The following OR5D14 variants were observed in gnomAD, a reference collection of about 807,000 sequenced individuals.
OR5D14 encodes olfactory receptor 5D14.
For missense variants in OR5D14, 466 were observed against 375.5 expected, an observed-to-expected ratio of 1.24 and a Z score of -1.99; for synonymous variants, 187 against 138.2, an observed-to-expected ratio of 1.35 and a Z score of -2.48.
At position 55,795,674 on chromosome 11, in the gene OR5D14, C is replaced by T. The variant is rs1853514826; in HGVS notation, c.119C>T (p.Thr40Ile). ...FLVFLLMYVI[T>I]VVGNLGMIII... is the part of the protein sequence containing the mutation. Reference sequence around the variant, plus strand: ...GTGTTTCTGCTCATGTATGTTATCACAGTGGTAGGAAACCTTGGGATGATC... The same window carrying T: ...GTGTTTCTGCTCATGTATGTTATCATAGTGGTAGGAAACCTTGGGATGATC... The change falls in exon 1 of 1, where the codon ACA becomes ATA. Residue 40 changes from threonine (T) to isoleucine (I), a missense_variant. By Grantham distance (89) the Thr-to-Ile change is moderately conservative. Transcript: ENST00000335605. 6.2e-7 allele frequency: 1 copy of T among 1,611,828 alleles called. No homozygotes were observed. The highest frequency in any genetic ancestry group is 1.1e-5 in the South Asian group (1 of 91,048).
In OR5D14 at chr11:55,795,939, C is replaced by G; in HGVS notation, c.384C>G (p.Ile128Met). The G allele has an allele frequency of 6.2e-7, 1 of 1,613,898 alleles. No individual in the cohort carries two copies. Among genetic ancestry groups the G allele is most frequent in the Non-Finnish European group, 8.5e-7 (1 of 1,179,996 alleles). The change falls in exon 1 of 1, where the codon ATC becomes ATG. Residue 128 changes from isoleucine to methionine, a missense_variant. Ile to Met is a conservative substitution (Grantham distance 10, BLOSUM62 1). Transcript: ENST00000335605. ...TGGCCTATGACCGCTTTGTGGCCAT[C>G]TGCAATCCTCTGCTTTATACAGTGG... ...AVMAYDRFVA[I>M]CNPLLYTVAM...
At position 55,796,399 on chromosome 11, in the gene OR5D14, G is replaced by C. The variant is rs201788922; in HGVS notation, c.844G>C (p.Val282Leu). ...TVKVASVFYTVVNPMLNPLIY... is the reference protein window; with the variant it reads ...TVKVASVFYTLVNPMLNPLIY... ...CAAAGTGGCCTCTGTATTTTACACA[G>C]TTGTCAACCCCATGCTGAACCCTCT... is the stretch of plus-strand genomic sequence containing the variant. The change falls in exon 1 of 1, where the codon GTT becomes CTT. Residue 282 changes from valine (V) to leucine (L), a missense_variant. Coordinates refer to ENST00000335605, the MANE Select transcript of OR5D14 (RefSeq NM_001004735.1). 1 of 1,613,774 alleles carries C rather than the reference G, an allele frequency of 6.2e-7. No homozygotes were observed. Among genetic ancestry groups the C allele is most frequent in the Admixed American group, 1.7e-5 (1 of 59,988 alleles).
rs762825497 is a variant in OR5D14, at chr11:55,795,959, C to T, written c.404C>T (p.Thr135Ile). 1.9e-6 allele frequency: 3 copies of T among 1,613,804 alleles called. No homozygotes were observed. The South Asian group carries it at 3.3e-5, about 18-fold the overall frequency. ...FVAICNPLLY[T>I]VAMSQRLCAL... ...GCCATCTGCAATCCTCTGCTTTATACAGTGGCCATGTCACAGAGGCTCTGT... is the reference window on the plus strand; with the variant it reads ...GCCATCTGCAATCCTCTGCTTTATATAGTGGCCATGTCACAGAGGCTCTGT... The change falls in exon 1 of 1, where the codon ACA becomes ATA. Residue 135 changes from threonine (T) to isoleucine (I), a missense_variant. Thr to Ile is a moderately conservative substitution (Grantham distance 89). Transcript: ENST00000335605.
Position 55,796,276 on chromosome 11 carries a change from T to C in OR5D14, c.721T>C (p.Ser241Pro). Residue 241 changes from serine to proline, a missense_variant, in exon 1 of 1, where the codon TCC becomes CCC. Ser to Pro is a moderately conservative substitution (Grantham distance 74). Coordinates refer to ENST00000335605, the MANE Select transcript of OR5D14 (RefSeq NM_001004735.1). ...TGTTAGTGGGCGCCACAAAGCCTTC[T>C]CCACCTGGGCCTCCCACCTGACTTC... is the stretch of plus-strand genomic sequence containing the variant. ...RSVSGRHKAF[S>P]TWASHLTSIT... The C allele has an allele frequency of 9.3e-6, 15 of 1,613,652 alleles. No individual in the cohort carries two copies. The highest frequency in any genetic ancestry group is 1.3e-5 in the Non-Finnish European group (15 of 1,179,734).
rs760442803 is a variant in OR5D14 at position 55,795,615 on chromosome 11, A to C, written c.60A>C (p.Thr20=). The change falls in exon 1 of 1, where the codon ACA becomes ACC. Residue 20 remains threonine (T), a synonymous_variant. Coordinates refer to ENST00000335605, the MANE Select transcript of OR5D14 (RefSeq NM_001004735.1). ...CCACCTTTGCCCTTTTAGGTTTCAC[A>C]GATTACCCAAAGCTTCAGATTCCTC... ...MEPTFALLGF[T]DYPKLQIPLF... 15 of 1,612,048 alleles carry C rather than the reference A, an allele frequency of 9.3e-6. No homozygotes were observed. Among genetic ancestry groups the C allele is most frequent in the Non-Finnish European group, 8.5e-7 (1 of 1,179,396 alleles).
In OR5D14 at chr11:55,796,049, C is replaced by G. The variant is rs1172657992; in HGVS notation, c.494C>G (p.Ala165Gly). The G allele has an allele frequency of 1.9e-6, 3 of 1,613,774 alleles. No individual in the cohort carries two copies. In the African/African-American group the frequency reaches 4.0e-5, roughly 22 times the overall value. The change falls in exon 1 of 1, where the codon GCT (alanine) becomes GGT (glycine). Residue 165 changes from alanine (A) to glycine (G), a missense_variant. Transcript: ENST00000335605. Reference protein sequence around the residue: ...MFGPLVLLCYALRLNFSGPNV... With the variant: ...MFGPLVLLCYGLRLNFSGPNV... Reference sequence around the variant, plus strand: ...GGCCCCTTGGTACTCCTTTGTTATGCTCTCCGGTTAAACTTCTCTGGACCT... The same window carrying G: ...GGCCCCTTGGTACTCCTTTGTTATGGTCTCCGGTTAAACTTCTCTGGACCT...
rs1853524893 is a variant in OR5D14 at position 55,796,241 on chromosome 11, A to T, written c.686A>T (p.Lys229Ile). The change falls in exon 1 of 1, where the codon AAA becomes ATA. Residue 229 changes from lysine to isoleucine, a missense_variant. Transcript: ENST00000335605. ...GTTTTCATTTTTGTGACTGTACTAA[A>T]AATCCGTTCTGTTAGTGGGCGCCAC... is the stretch of plus-strand genomic sequence containing the variant. ...SYVFIFVTVLKIRSVSGRHKA... is the reference protein window; with the variant it reads ...SYVFIFVTVLIIRSVSGRHKA... 6.2e-7 allele frequency: 1 copy of T among 1,613,816 alleles called. No individual in the cohort carries two copies. The highest frequency in any genetic ancestry group is 8.5e-7 in the Non-Finnish European group (1 of 1,179,954).
chr11:55,795,836 T>A lies in OR5D14; in HGVS notation c.281T>A (p.Ile94Asn), dbSNP rs747218527. The change falls in exon 1 of 1, where the codon ATC (isoleucine) becomes AAC (asparagine). Residue 94 changes from isoleucine to asparagine, a missense_variant. By Grantham distance (149) the Ile-to-Asn change is moderately radical. Coordinates refer to ENST00000335605, the MANE Select transcript of OR5D14 (RefSeq NM_001004735.1). ...AACTTGGTAATGGCAGATAAAAGCATCTTCTACTTTAGCTGCATGATGCAG... is the reference window on the plus strand; with the variant it reads ...AACTTGGTAATGGCAGATAAAAGCAACTTCTACTTTAGCTGCATGATGCAG... ...LENLVMADKS[I>N]FYFSCMMQYF... is the part of the protein sequence containing the mutation. The A allele has an allele frequency of 1.9e-5, 30 of 1,613,934 alleles. No homozygotes were observed. The East Asian group carries it at 6.7e-4, about 36-fold the overall frequency.
chr11:55,795,896 C>A lies in OR5D14; in HGVS notation c.341C>A (p.Ser114Tyr). 1 of 1,613,876 alleles carries A rather than the reference C, an allele frequency of 6.2e-7. No homozygotes were observed. Among genetic ancestry groups the A allele is most frequent in the Non-Finnish European group, 8.5e-7 (1 of 1,179,990 alleles). Residue 114 changes from serine (S) to tyrosine (Y), a missense_variant, in exon 1 of 1, where the codon TCT (serine) becomes TAT (tyrosine). Coordinates refer to ENST00000335605, the MANE Select transcript of OR5D14 (RefSeq NM_001004735.1). ...TCCTGCACTGCTGTGGTGACAGAGTCTTTCTTGCTGGCAGTGATGGCCTAT... is the reference window on the plus strand; with the variant it reads ...TCCTGCACTGCTGTGGTGACAGAGTATTTCTTGCTGGCAGTGATGGCCTAT... Reference protein sequence around the residue: ...FLSCTAVVTESFLLAVMAYDR... With the variant: ...FLSCTAVVTEYFLLAVMAYDR...
At position 55,795,779 on chromosome 11, in the gene OR5D14, A is replaced by T; in HGVS notation, c.224A>T (p.Tyr75Phe). 1 of 1,613,144 alleles carries T rather than the reference A, an allele frequency of 6.2e-7. No individual in the cohort carries two copies. The highest frequency in any genetic ancestry group is 8.5e-7 in the Non-Finnish European group (1 of 1,179,504). The change falls in exon 1 of 1, where the codon TAC becomes TTC. Residue 75 changes from tyrosine (Y) to phenylalanine (F), a missense_variant. Transcript: ENST00000335605. ...CACCTCTCTTTTGTTGATTTTTGTT[A>T]CTCTTCCATTGTCACTCCCAAGCTG... ...LSHLSFVDFC[Y>F]SSIVTPKLLE... is the part of the protein sequence containing the mutation.
Position 55,795,594 on chromosome 11 carries a change from C to G in OR5D14, c.39C>G (p.Thr13=), listed in dbSNP as rs550925188. Reference sequence around the variant, plus strand: ...TAAGGAATCTGAGCATGGAGCCCACCTTTGCCCTTTTAGGTTTCACAGATT... The same window carrying G: ...TAAGGAATCTGAGCATGGAGCCCACGTTTGCCCTTTTAGGTTTCACAGATT... The part of the protein sequence containing the change: ...MVLRNLSMEP[T]FALLGFTDYP... Residue 13 remains threonine (T), a synonymous_variant, in exon 1 of 1, where the codon ACC becomes ACG. Coordinates refer to ENST00000335605, the MANE Select transcript of OR5D14 (RefSeq NM_001004735.1). 1.9e-6 allele frequency: 3 copies of G among 1,609,718 alleles called. No individual in the cohort carries two copies. Among genetic ancestry groups the G allele is most frequent in the African/African-American group, 2.7e-5 (2 of 74,652 alleles).
chr11:55,795,964 G>T lies in OR5D14; in HGVS notation c.409G>T (p.Ala137Ser), dbSNP rs563228983. The T allele has an allele frequency of 8.7e-5, 141 of 1,613,810 alleles. No individual in the cohort carries two copies. The South Asian group carries it at 1.5e-3, about 17-fold the overall frequency. Residue 137 changes from alanine (A) to serine (S), a missense_variant, in exon 1 of 1, where the codon GCC becomes TCC. Ala to Ser is a moderately conservative substitution (Grantham distance 99). Coordinates refer to ENST00000335605, the MANE Select transcript of OR5D14 (RefSeq NM_001004735.1). ...CTGCAATCCTCTGCTTTATACAGTG[G>T]CCATGTCACAGAGGCTCTGTGCCCT... is the stretch of plus-strand genomic sequence containing the variant. ...AICNPLLYTV[A>S]MSQRLCALLV...
chr11:55,796,122 G>T lies in OR5D14; in HGVS notation c.567G>T (p.Val189=). Residue 189 remains valine, a synonymous_variant, in exon 1 of 1, where the codon GTG becomes GTT. Coordinates refer to ENST00000335605, the MANE Select transcript of OR5D14 (RefSeq NM_001004735.1). ...GTGAGTATACTGCTCTCATCTCTGTGTCTGGCTCTGATATACTCATCCCCC... is the reference window on the plus strand; with the variant it reads ...GTGAGTATACTGCTCTCATCTCTGTTTCTGGCTCTGATATACTCATCCCCC... ...FFCEYTALIS[V]SGSDILIPHL... is the part of the protein sequence containing the mutation. 6.2e-7 allele frequency: 1 copy of T among 1,613,878 alleles called. No individual in the cohort carries two copies. The highest frequency in any genetic ancestry group is 8.5e-7 in the Non-Finnish European group (1 of 1,179,954).
In OR5D14 at chr11:55,796,443, T is replaced by C; in HGVS notation, c.888T>C (p.Asn296=). 1.9e-6 allele frequency: 3 copies of C among 1,613,322 alleles called. No homozygotes were observed. The highest frequency in any genetic ancestry group is 2.5e-6 in the Non-Finnish European group (3 of 1,179,732). Residue 296 remains asparagine (N), a synonymous_variant, in exon 1 of 1, where the codon AAT becomes AAC. Transcript: ENST00000335605. ...ACCCTCTGATCTACAGCCTAAGGAA[T>C]AAAGACGTGAAGGATGCTTTCTGGA... ...MLNPLIYSLR[N]KDVKDAFWKL... is the part of the protein sequence containing the mutation.
Position 55,795,890 on chromosome 11 carries a change from C to T in OR5D14, c.335C>T (p.Thr112Ile). Residue 112 changes from threonine (T) to isoleucine (I), a missense_variant, in exon 1 of 1, where the codon ACA (threonine) becomes ATA (isoleucine). Thr to Ile is a moderately conservative substitution (Grantham distance 89). Coordinates refer to ENST00000335605, the MANE Select transcript of OR5D14 (RefSeq NM_001004735.1). ...TTCCTGTCCTGCACTGCTGTGGTGACAGAGTCTTTCTTGCTGGCAGTGATG... is the reference window on the plus strand; with the variant it reads ...TTCCTGTCCTGCACTGCTGTGGTGATAGAGTCTTTCTTGCTGGCAGTGATG... ...QYFLSCTAVV[T>I]ESFLLAVMAY... 9.3e-6 allele frequency: 15 copies of T among 1,613,858 alleles called. No individual in the cohort carries two copies. Among genetic ancestry groups the T allele is most frequent in the Non-Finnish European group, 1.3e-5 (15 of 1,179,960 alleles).
chr11:55,795,671 T>C lies in OR5D14; in HGVS notation c.116T>C (p.Ile39Thr). 1 of 1,612,150 alleles carries C rather than the reference T, an allele frequency of 6.2e-7. No individual in the cohort carries two copies. Among genetic ancestry groups the C allele is most frequent in the Non-Finnish European group, 8.5e-7 (1 of 1,178,676 alleles). ...CTTGTGTTTCTGCTCATGTATGTTA[T>C]CACAGTGGTAGGAAACCTTGGGATG... is the stretch of plus-strand genomic sequence containing the variant. ...LFLVFLLMYV[I>T]TVVGNLGMII... Residue 39 changes from isoleucine (I) to threonine (T), a missense_variant, in exon 1 of 1, where the codon ATC (isoleucine) becomes ACC (threonine). Physicochemically the swap from Ile to Thr is moderately conservative, Grantham distance 89 (BLOSUM62 -1). Coordinates refer to ENST00000335605, the MANE Select transcript of OR5D14 (RefSeq NM_001004735.1).
Position 55,795,780 on chromosome 11 carries a change from C to G in OR5D14, c.225C>G (p.Tyr75Ter). The G allele has an allele frequency of 6.2e-7, 1 of 1,613,302 alleles. No homozygotes were observed. Among genetic ancestry groups the G allele is most frequent in the Non-Finnish European group, 8.5e-7 (1 of 1,179,514 alleles). Residue 75 changes from tyrosine (Y) to a stop codon, truncating the protein, a stop_gained, in exon 1 of 1, where the codon TAC becomes TAG. Coordinates refer to ENST00000335605, the MANE Select transcript of OR5D14 (RefSeq NM_001004735.1). LOFTEE classifies it low-confidence loss of function (END_TRUNC). ...LSHLSFVDFCYSSIVTPKLLE... is the reference protein window; with the variant it reads ...LSHLSFVDFC ...ACCTCTCTTTTGTTGATTTTTGTTA[C>G]TCTTCCATTGTCACTCCCAAGCTGC...
At position 55,796,358 on chromosome 11, in the gene OR5D14, A is replaced by G; in HGVS notation, c.803A>G (p.Asn268Ser). 1 of 1,613,506 alleles carries G rather than the reference A, an allele frequency of 6.2e-7. No homozygotes were observed. Among genetic ancestry groups the G allele is most frequent in the Non-Finnish European group, 8.5e-7 (1 of 1,179,874 alleles). Residue 268 changes from asparagine to serine, a missense_variant, in exon 1 of 1, where the codon AAC becomes AGC. By Grantham distance (46) the Asn-to-Ser change is conservative. Coordinates refer to ENST00000335605, the MANE Select transcript of OR5D14 (RefSeq NM_001004735.1). Reference sequence around the variant, plus strand: ...CTTTACTGTGTACCCAACTCCAAAAACTCTCGGCAAACAGTCAAAGTGGCC... The same window carrying G: ...CTTTACTGTGTACCCAACTCCAAAAGCTCTCGGCAAACAGTCAAAGTGGCC... ...LFLYCVPNSK[N>S]SRQTVKVASV...
At position 55,795,813 on chromosome 11, in the gene OR5D14, C is replaced by G. The variant is rs963734472; in HGVS notation, c.258C>G (p.Asn86Lys). The part of the protein sequence containing the change: ...SSIVTPKLLE[N>K]LVMADKSIFY... ...TTGTCACTCCCAAGCTGCTTGAGAA[C>G]TTGGTAATGGCAGATAAAAGCATCT... is the stretch of plus-strand genomic sequence containing the variant. The change falls in exon 1 of 1, where the codon AAC (asparagine) becomes AAG (lysine). Residue 86 changes from asparagine (N) to lysine (K), a missense_variant. Asn to Lys is a moderately conservative substitution (Grantham distance 94). Transcript: ENST00000335605. 9 of 1,613,760 alleles carry G rather than the reference C, an allele frequency of 5.6e-6. No homozygotes were observed. Among genetic ancestry groups the G allele is most frequent in the Non-Finnish European group, 7.6e-6 (9 of 1,179,930 alleles).
Sources: allele counts gnomAD v4.1 joint callset, GRCh38; gene constraint gnomAD v4.1.1; transcripts MANE v1.5; gene names NCBI Gene and HGNC (gene_info 2026-07-23, HGNC 2026-07-21).